DNAH11: variants seen among roughly 807,000 people sequenced by gnomAD.
The protein encoded by DNAH11 is axonemal beta dynein heavy chain 11.
In DNAH11, 442 loss-of-function variants were observed where a neutral mutation model predicts 526.0. The observed-to-expected ratio is 0.84, with a 90% CI of 0.78 to 0.91. The LOEUF is 0.91. DNAH11 is among the 40% of genes least tolerant of loss of function. The probability of loss-of-function intolerance (pLI) is 0.00; values close to 1 mark genes in which losing one functional copy is unlikely to be tolerated. For missense variants in DNAH11, 6,989 were observed against 5,448.7 expected, an observed-to-expected ratio of 1.28 and a Z score of -8.90; for synonymous variants, 2,461 against 1,935.9, an observed-to-expected ratio of 1.27 and a Z score of -7.12.
At chr7:21,892,755 AG>A in intron 77 of DNAH11, 88 bp downstream of exon 77, 1 of 1,416,400 alleles carries the variant, frequency 7.1e-7, no homozygotes, top group Non-Finnish European at 9.3e-7. Flanking sequence ...CAAATCAATA[AG>A]TTTTTACCTA....
intron 66 of DNAH11, among the ~76,000 whole-genome samples, chr7:21,848,843 T>G (rs191046504): frequency 4.3e-4 from 66 of 152,278 alleles, no homozygotes; most frequent in Non-Finnish European, 8.4e-4. Flanking sequence ...GTGGTTACCT[T>G]AGCATTTGCA....
intron 20 of DNAH11, among the ~76,000 whole-genome samples, chr7:21,610,202 C>T (rs557302449): frequency 3.3e-5 from 5 of 152,090 alleles, no homozygotes; most frequent in South Asian, 2.1e-4. Flanking sequence ...TGCAGTGAGC[C>T]GAGATTGCGC....
At chr7:21,587,962 C>G in intron 9 of DNAH11, 102 bp from the exon 10 acceptor site, 2 of 1,138,592 alleles carry the variant, frequency 1.8e-6, no homozygotes, top group East Asian at 2.5e-5. Flanking sequence ...TTTTAAGATT[C>G]TAAACTTTAG....
intron 2 of DNAH11, 124 bp downstream of exon 2, chr7:21,545,273 TTA>T: frequency 3.5e-5 from 4 of 113,534 alleles, no homozygotes; most frequent in South Asian, 2.5e-4. Context: ...ATGGGGGTGG[TTA>T]AAAAAAAAAA....
chr7:21,864,049 TA>T (rs1323389612), intron 69 of DNAH11, among the ~76,000 whole-genome samples: 1 of 152,214 alleles, frequency 6.6e-6, no homozygotes, highest in Non-Finnish European at 1.5e-5. Flanking sequence ...GTTATACCTA[TA>T]AAAGGTTTTC....
In DNAH11 at chr7:21,704,431, T is replaced by C; in HGVS notation, c.6274-3T>C. 2 of 1,608,440 alleles carry C rather than the reference T, an allele frequency of 1.2e-6. No homozygotes were observed. Among genetic ancestry groups the C allele is most frequent in the South Asian group, 2.2e-5 (2 of 89,512 alleles). On this transcript the variant is annotated splice_region_variant and splice_polypyrimidine_tract_variant and intron_variant, in intron 37 of 81. Transcript: ENST00000409508. ...CTTTTTTATAAAATGTTTTTTTTTC[T>C]AGGTACTCATGAGAGCATTAAGGGA...
intron 20 of DNAH11, among the ~76,000 whole-genome samples, chr7:21,607,324 A>G (rs1468778346): frequency 6.6e-6 from 1 of 152,066 alleles, no homozygotes; most frequent in African/African-American, 2.4e-5. Flanking sequence ...AGCTGATTAG[A>G]TGGTGCCCAC....
chr7:21,621,734 T>C (rs2128454864), intron 25 of DNAH11, among the ~76,000 whole-genome samples: 1 of 152,116 alleles, frequency 6.6e-6, no homozygotes, highest in Middle Eastern at 3.4e-3. Flanking sequence ...CATGATTATC[T>C]CAATAGATGC....
intron 62 of DNAH11, among the ~76,000 whole-genome samples, chr7:21,803,835 A>T: frequency 6.7e-6 from 1 of 148,566 alleles, no homozygotes; most frequent in African/African-American, 2.6e-5. Context: ...GTCATCATTG[A>T]AGTCTGGAAA....
At chr7:21,741,849 A>T in intron 48 of DNAH11, 78 bp from the exon 49 acceptor site, 2 of 1,499,280 alleles carry the variant, frequency 1.3e-6, no homozygotes, top group Non-Finnish European at 1.8e-6. Flanking sequence ...TACAGGGAGG[A>T]GTGAAAAAAA....
intron 46 of DNAH11, among the ~76,000 whole-genome samples, chr7:21,737,422 C>A (rs1002363977): frequency 6.6e-6 from 1 of 152,162 alleles, no homozygotes; most frequent in Admixed American, 6.6e-5. Flanking sequence ...ATCACACCAA[C>A]TATAGAGAAT....
rs1261748959 is a variant in DNAH11 at position 21,741,725 on chromosome 7, GACA to G, written c.7915-199_7915-197del. 2.0e-5 allele frequency among the ~76,000 whole-genome samples: 3 copies of G among 152,234 alleles called. 1 individual carries two copies. Among genetic ancestry groups the G allele is most frequent in the Non-Finnish European group, 2.9e-5 (2 of 68,028 alleles). ...AAAGTAAGGAGAAATATACACCTCT[GACA>G]ACGAGTGGCACACTGTCACTTCCAC... On this transcript the variant is annotated intron_variant, in intron 48 of 81. Coordinates refer to ENST00000409508, the MANE Select transcript of DNAH11 (RefSeq NM_001277115.2).
chr7:21,619,595 C>G (rs1006568787), intron 24 of DNAH11, among the ~76,000 whole-genome samples: 3 of 152,168 alleles, frequency 2.0e-5, no homozygotes, highest in African/African-American at 7.2e-5. Context: ...TACCCAGATT[C>G]ACACAGAAGA....
chr7:21,770,874 G>A (rs1787408964), intron 55 of DNAH11, among the ~76,000 whole-genome samples: 1 of 152,108 alleles, frequency 6.6e-6, no homozygotes, highest in African/African-American at 2.4e-5. Flanking sequence ...GAGCAAAACA[G>A]CACTATGAAG....
At chr7:21,669,590 G>T (rs1262504173) in intron 30 of DNAH11, among the ~76,000 whole-genome samples, 1 of 152,034 alleles carries the variant, frequency 6.6e-6, no homozygotes, top group Non-Finnish European at 1.5e-5. Context: ...TTTTGATGCA[G>T]TGTAGTGTAT....
chr7:21,641,376 T>G (rs114344675), intron 28 of DNAH11, among the ~76,000 whole-genome samples: 1,958 of 152,276 alleles, frequency 0.013, 46 homozygotes, highest in African/African-American at 0.044. Flanking sequence ...CCTATGGTAC[T>G]TTCTGTAGAA....
chr7:21,759,025 A>AAAAAC (rs1449339634), intron 54 of DNAH11, among the ~76,000 whole-genome samples: 1 of 152,246 alleles, frequency 6.6e-6, no homozygotes, highest in Non-Finnish European at 1.5e-5. Context: ...GATTTTCTTT[A>AAAAAC]AAAACAAAAC....
Position 21,558,994 on chromosome 7 carries a change from A to G in DNAH11, c.688A>G (p.Asn230Asp). Residue 230 changes from asparagine (N) to aspartate (D), a missense_variant, in exon 3 of 82, where the codon AAC becomes GAC. Transcript: ENST00000409508. Reference protein sequence around the residue: ...KMDLDQNCSENKPPSNERIIL... With the variant: ...KMDLDQNCSEDKPPSNERIIL... ...GGATCTGGATCAGAATTGTTCAGAG[A>G]ACAAGTACGTAACAGTACAATATAT... 4 of 1,572,226 alleles carry G rather than the reference A, an allele frequency of 2.5e-6. No individual in the cohort carries two copies. Among genetic ancestry groups the G allele is most frequent in the Non-Finnish European group, 3.5e-6 (4 of 1,157,300 alleles).
chr7:21,732,398 G>A (rs543470664), intron 45 of DNAH11, among the ~76,000 whole-genome samples: 2 of 152,256 alleles, frequency 1.3e-5, no homozygotes, highest in African/African-American at 4.8e-5. Context: ...TTTAAAGCCC[G>A]TGTCTCCAAA....
Sources: allele counts gnomAD v4.1 joint callset (sites outside exome capture counted in the v4.1 genomes callset), GRCh38; gene constraint gnomAD v4.1.1; transcripts MANE v1.5; gene names NCBI Gene and HGNC (gene_info 2026-07-23, HGNC 2026-07-21).